RNF213: variants seen among roughly 807,000 people sequenced by gnomAD.
RNF213 encodes the protein E3 ubiquitin-protein ligase RNF213.
A neutral mutation model predicts 514.4 loss-of-function variants in RNF213; 341 were observed. That is an observed-to-expected ratio of 0.66 (90% CI 0.61 to 0.73). The LOEUF (loss-of-function observed/expected upper bound fraction) is 0.73. Ranked by LOEUF, RNF213 falls within the 30% of genes least tolerant of loss-of-function variation. The probability of loss-of-function intolerance (pLI) is 0.00; values close to 1 mark genes in which losing one functional copy is unlikely to be tolerated. For synonymous variants in RNF213, 2,655 were observed against 2,658.2 expected (o/e 1.00, Z 0.04); for missense variants, 5,767 against 6,615.6 (o/e 0.87, Z 4.45).
At position 80,339,785 on chromosome 17, in the gene RNF213, G is replaced by A. The variant is rs1168350827; in HGVS notation, c.5418G>A (p.Leu1806=). The change falls in exon 26 of 68, where the codon CTG becomes CTA. Residue 1806 remains leucine (L), a synonymous_variant. Coordinates refer to ENST00000582970, the MANE Select transcript of RNF213 (RefSeq NM_001256071.3). ...CLDLETLGHC[L]AHLAGMGGSP... The stretch of plus-strand genomic sequence containing the variant: ...ACCTAGAGACCCTTGGCCACTGTCT[G>A]GCTCACCTGGCAGGGATGGGTGGGT... The A allele has an allele frequency of 4.6e-6, 7 of 1,535,086 alleles. No individual in the cohort carries two copies. The African/African-American group carries it at 9.6e-5, about 21-fold the overall frequency.
chr17:80,279,680 GCTGGTCTCGAACTC>G (rs1335591846), intron 3 of RNF213, among the ~76,000 whole-genome samples: 1 of 151,990 alleles, frequency 6.6e-6, no homozygotes, highest in Non-Finnish European at 1.5e-5. Flanking sequence ...TGTTGGCCAG[GCTGGTCTCGAACTC>G]CTGGCCTCAA....
chr17:80,340,605 TGTG>T, intron 26 of RNF213: 1 of 423,714 alleles, frequency 2.4e-6, no homozygotes, highest in African/African-American at 2.2e-5. Context: ...CAGTGTACTT[TGTG>T]GTTTTTTTTT....
chr17:80,261,724 A>G (rs1011079666), intron 1 of RNF213, among the ~76,000 whole-genome samples: 1 of 152,244 alleles, frequency 6.6e-6, no homozygotes, highest in South Asian at 2.1e-4. Context: ...TGGAACAATA[A>G]GATGCTTTAG....
rs762053807 is a variant in RNF213 at position 80,364,439 on chromosome 17, G to A, written c.11757G>A (p.Gln3919=). Residue 3919 remains glutamine (Q), a synonymous_variant, in exon 42 of 68, where the codon CAG becomes CAA. Coordinates refer to ENST00000582970, the MANE Select transcript of RNF213 (RefSeq NM_001256071.3). ...TGGCGCCCTCTTTTGACAGAGCCCA[G>A]TGGAGTCGGATTTTCTCCACCGCAC... ...AQAVIREVRA[Q]WSRIFSTALF... The A allele has an allele frequency of 6.2e-7, 1 of 1,614,204 alleles. No individual in the cohort carries two copies. The highest frequency in any genetic ancestry group is 1.1e-5 in the South Asian group (1 of 91,084).
rs574748023 is a variant in RNF213, at chr17:80,361,669, C to T, written c.11201-65C>T. ...CCATTCCCCTTCACTCCGGAGCCCC[C>T]TGGAGGCAGGGGAGCGCCATGACTT... On this transcript the variant is annotated intron_variant, in intron 38 of 67. Coordinates refer to ENST00000582970, the MANE Select transcript of RNF213 (RefSeq NM_001256071.3). 6.3e-6 allele frequency: 10 copies of T among 1,596,114 alleles called. No individual in the cohort carries two copies. The African/African-American group carries it at 8.0e-5, about 13-fold the overall frequency.
intron 2 of RNF213, among the ~76,000 whole-genome samples, chr17:80,269,483 A>C (rs1249793275): frequency 6.6e-6 from 1 of 151,128 alleles, no homozygotes; most frequent in Admixed American, 6.6e-5. Flanking sequence ...TATTCTATCT[A>C]TCCATCCATC....
At chr17:80,387,875 C>T (rs1272911173) in intron 63 of RNF213, among the ~76,000 whole-genome samples, 1 of 152,228 alleles carries the variant, frequency 6.6e-6, no homozygotes, top group Non-Finnish European at 1.5e-5. Flanking sequence ...GCACTTGTTC[C>T]TTCCAGCTGC....
At position 80,313,194 on chromosome 17, in the gene RNF213, G is replaced by A. The variant is rs781432191; in HGVS notation, c.2811+27G>A. ...TAGGCATTTGGCCGAAGGCTTCTGG[G>A]TAGGGATGTGACTGATCGTGATTCC... is the stretch of plus-strand genomic sequence containing the variant. On this transcript the variant is annotated intron_variant, in intron 15 of 67. Coordinates refer to ENST00000582970, the MANE Select transcript of RNF213 (RefSeq NM_001256071.3). 2.2e-5 allele frequency: 36 copies of A among 1,613,702 alleles called. No individual in the cohort carries two copies. In the South Asian group the frequency reaches 3.4e-4, roughly 15 times the overall value.
chr17:80,359,222 T>C (rs1189741652), intron 37 of RNF213, among the ~76,000 whole-genome samples: 1 of 151,934 alleles, frequency 6.6e-6, no homozygotes, highest in African/African-American at 2.4e-5. Flanking sequence ...TGTAGATTTA[T>C]AAAGAATATA....
chr17:80,368,270 A>AT, intron 44 of RNF213, 127 bp downstream of exon 44: 1 of 991,184 alleles, frequency 1.0e-6, no homozygotes, highest in Non-Finnish European at 1.6e-6. Flanking sequence ...GAGAACTATC[A>AT]TAAGAGACGC....
chr17:80,361,974 G>C, intron 39 of RNF213, 86 bp downstream of exon 39: 1 of 1,445,168 alleles, frequency 6.9e-7, no homozygotes, highest in Non-Finnish European at 9.6e-7. Context: ...TTCCTCAGCT[G>C]CCTGGAGCTG....
intron 10 of RNF213, among the ~76,000 whole-genome samples, chr17:80,297,602 A>C (rs1392004579): frequency 6.6e-6 from 1 of 151,572 alleles, no homozygotes; most frequent in African/African-American, 2.4e-5. Flanking sequence ...GCCGGCCAAC[A>C]CAGTGAAACC....
intron 13 of RNF213, among the ~76,000 whole-genome samples, chr17:80,307,419 A>G (rs1243213986): frequency 7.1e-6 from 1 of 141,656 alleles, no homozygotes; most frequent in Non-Finnish European, 1.5e-5. Context: ...GCTGGAGTGC[A>G]GTGACGCAAT....
rs546216561 is a variant in RNF213, at chr17:80,274,059, A to G, written c.261+655A>G. ...CTCTTTGCATTGAGGGTGCAAGCTC[A>G]GAGGTGCCTTGCTGCTTCGGGGCAG... On this transcript the variant is annotated intron_variant, in intron 3 of 67. Coordinates refer to ENST00000582970, the MANE Select transcript of RNF213 (RefSeq NM_001256071.3). 3.3e-5 allele frequency among the ~76,000 whole-genome samples: 5 copies of G among 152,268 alleles called. No homozygotes were observed. In the East Asian group the frequency reaches 9.7e-4, roughly 29 times the overall value.
intron 55 of RNF213, among the ~76,000 whole-genome samples, chr17:80,380,011 G>A (rs552806084): frequency 6.6e-6 from 1 of 152,266 alleles, no homozygotes; most frequent in East Asian, 1.9e-4. Flanking sequence ...AAATATGCAT[G>A]ACATAAACAG....
chr17:80,279,712 ACCCATCTTGGCCTT>A (rs1160122204), intron 3 of RNF213, among the ~76,000 whole-genome samples: 1 of 151,660 alleles, frequency 6.6e-6, no homozygotes, highest in African/African-American at 2.4e-5. Flanking sequence ...CAAATGATCC[ACCCATCTTGGCCTT>A]CCAAAATGCT....
chr17:80,325,844 C>T (rs1054349083), intron 18 of RNF213, among the ~76,000 whole-genome samples: 4 of 152,178 alleles, frequency 2.6e-5, no homozygotes, highest in African/African-American at 4.8e-5. Context: ...GCTTCCTACA[C>T]ATCAGGGAAG....
chr17:80,292,293 C>T (rs1457787467), intron 8 of RNF213, among the ~76,000 whole-genome samples: 1 of 152,098 alleles, frequency 6.6e-6, no homozygotes, highest in Non-Finnish European at 1.5e-5. Context: ...CATGTTGGAC[C>T]TTGACCTCAG....
Position 80,373,952 on chromosome 17 carries a change from G to A in RNF213, c.12943-506G>A, listed in dbSNP as rs369961411. 6.3e-5 allele frequency among the ~76,000 whole-genome samples: 9 copies of A among 143,128 alleles called. 1 individual carries two copies. The highest frequency in any genetic ancestry group is 1.1e-4 in the African/African-American group (4 of 38,070). The allele number at this position is 143,128 out of a possible 152,430, so 93.9% of individuals were successfully genotyped here. A position where few individuals can be genotyped will look rare whatever the true frequency, so the allele number is the denominator to read the frequency against. On this transcript the variant is annotated intron_variant, in intron 49 of 67. Coordinates refer to ENST00000582970, the MANE Select transcript of RNF213 (RefSeq NM_001256071.3). Reference sequence around the variant, plus strand: ...CGGGAGGCAGAGGTTGCAGTGAGCCGAGATTGCACCACTGCACTCCAGCGC... The same window carrying A: ...CGGGAGGCAGAGGTTGCAGTGAGCCAAGATTGCACCACTGCACTCCAGCGC...
Sources: gnomAD v4.1 joint callset for allele counts (sites outside exome capture counted in the v4.1 genomes callset) on GRCh38, gnomAD v4.1.1 for gene constraint, MANE v1.5 for transcripts, NCBI Gene and HGNC (gene_info 2026-07-23, HGNC 2026-07-21) for gene names.